Variants in IFT74 observed in about 807,000 individuals in gnomAD.
IFT74 encodes intraflagellar transport 74, also known as intraflagellar transport protein 74 homolog.
In IFT74, 92 loss-of-function variants were observed where a neutral mutation model predicts 96.7. The observed-to-expected ratio is 0.95, with a 90% CI of 0.80 to 1.13. The LOEUF is 1.13. Ranked by LOEUF, IFT74 falls within the 50% of genes most tolerant of loss-of-function variation. IFT74 has a pLI of 0.00. For missense variants in IFT74, 811 were observed against 698.2 expected, an observed-to-expected ratio of 1.16 and a Z score of -1.82; for synonymous variants, 223 against 213.2, an observed-to-expected ratio of 1.05 and a Z score of -0.40.
At chr9:26,991,080 A>G (rs375678137) in intron 8 of IFT74, among the ~76,000 whole-genome samples, 4 of 152,220 alleles carry the variant, frequency 2.6e-5, no homozygotes, top group African/African-American at 4.8e-5. Flanking sequence ...ACCATATTCA[A>G]TTACCAAAAT....
chr9:26,961,422 G>C (rs2131478031), intron 1 of IFT74, among the ~76,000 whole-genome samples: 1 of 152,124 alleles, frequency 6.6e-6, no homozygotes, highest in South Asian at 2.1e-4. Context: ...GTGGAAGAAT[G>C]TTTTGAAAGT....
At chr9:27,006,897 C>T (rs1358011901) in intron 8 of IFT74, among the ~76,000 whole-genome samples, 8 of 128,518 alleles carry the variant, frequency 6.2e-5, no homozygotes, top group Non-Finnish European at 1.2e-4. Flanking sequence ...AGTGTAGTGG[C>T]GCAGTCTCGG....
At chr9:27,035,940 T>A (rs1346389740) in intron 13 of IFT74, among the ~76,000 whole-genome samples, 1 of 152,328 alleles carries the variant, frequency 6.6e-6, no homozygotes, top group East Asian at 1.9e-4. Context: ...AAAATCCATG[T>A]ATAACTTTTG....
At chr9:26,950,783 G>T (rs1825909340) in intron 1 of IFT74, among the ~76,000 whole-genome samples, 1 of 152,184 alleles carries the variant, frequency 6.6e-6, no homozygotes, top group Non-Finnish European at 1.5e-5. Flanking sequence ...TCTTTTAACA[G>T]CTTGATAGGA....
chr9:26,974,008 C>G (rs908083299), intron 2 of IFT74, among the ~76,000 whole-genome samples: 1 of 152,164 alleles, frequency 6.6e-6, no homozygotes, highest in Non-Finnish European at 1.5e-5. Context: ...TAACATTTAT[C>G]TTGTCCTTCC....
chr9:27,053,363 T>A (rs1820018773), intron 16 of IFT74, among the ~76,000 whole-genome samples: 1 of 152,012 alleles, frequency 6.6e-6, no homozygotes, highest in Admixed American at 6.6e-5. Flanking sequence ...ATCAATAATG[T>A]AAGAAAAAGG....
intron 19 of IFT74, among the ~76,000 whole-genome samples, chr9:27,061,571 G>A (rs1440037952): frequency 1.3e-5 from 2 of 151,340 alleles, no homozygotes; most frequent in Non-Finnish European, 2.9e-5. Flanking sequence ...CACTGCTCTC[G>A]GCCCCAGAAT....
At chr9:26,996,506 A>T (rs1828166480) in intron 8 of IFT74, 3 of 1,417,644 alleles carry the variant, frequency 2.1e-6, no homozygotes, top group Non-Finnish European at 2.8e-6. Context: ...TTTTCTAGTA[A>T]ATCAGAAAGA....
At chr9:26,963,144 T>C (rs1340960679) in intron 2 of IFT74, among the ~76,000 whole-genome samples, 1 of 151,884 alleles carries the variant, frequency 6.6e-6, no homozygotes, top group African/African-American at 2.4e-5. Flanking sequence ...GAGTGTGATA[T>C]TCCCCTTCCT....
At position 26,978,148 on chromosome 9, in the gene IFT74, A is replaced by T. The variant is rs1224898982; in HGVS notation, c.141A>T (p.Arg47Ser). ...TTTAGATGCCACCTGGGACAGCAAG[A>T]CCAGGTTCTCGTGGTTGTCCCATAG... ...VATAMPPGTA[R>S]PGSRGCPIGT... Residue 47 changes from arginine to serine, a missense_variant, in exon 3 of 20, where the codon AGA becomes AGT. Physicochemically the swap from Arg to Ser is moderately radical, Grantham distance 110. Transcript: ENST00000380062. 1.9e-6 allele frequency: 3 copies of T among 1,605,180 alleles called. No individual in the cohort carries two copies. The highest frequency in any genetic ancestry group is 2.5e-6 in the Non-Finnish European group (3 of 1,178,406).
rs529871147 is a variant in IFT74 at position 27,048,101 on chromosome 9, A to T, written c.1207-47A>T. ...TTTCCAAGAGTTTTATTGAGAACTA[A>T]CTAAATCAGTGGATTTTTTTCTATT... On this transcript the variant is annotated intron_variant, in intron 15 of 19. Transcript: ENST00000380062. 2.1e-6 allele frequency: 3 copies of T among 1,408,060 alleles called. No individual in the cohort carries two copies. The African/African-American group carries it at 4.3e-5, about 20-fold the overall frequency. The allele number at this position is 1,408,060 out of a possible 1,614,324, so 87.2% of individuals were successfully genotyped here. A position where few individuals can be genotyped will look rare whatever the true frequency, so the allele number is the denominator to read the frequency against.
rs56756518 is a variant in IFT74 at position 26,982,451 on chromosome 9, ATTTTTTT to A, written c.306-1790_306-1784del. On this transcript the variant is annotated intron_variant, in intron 4 of 19. Coordinates refer to ENST00000380062, the MANE Select transcript of IFT74 (RefSeq NM_025103.4). ...GCCACCACACTTGGCTAATTTTTGT[ATTTTTTT>A]TTTTTTTTTTTTTTTGAGACAGAGT... 57 of 215,662 alleles carry A rather than the reference ATTTTTTT, an allele frequency of 2.6e-4. No homozygotes were observed. The East Asian group carries it at 5.7e-3, about 22-fold the overall frequency. The allele number at this position is 215,662 out of a possible 1,614,324, so 13.4% of individuals were successfully genotyped here.
intron 13 of IFT74, chr9:27,036,390 T>A: frequency 1.3e-6 from 2 of 1,589,226 alleles, no homozygotes; most frequent in Non-Finnish European, 1.7e-6. Context: ...TGTACTCTTT[T>A]TACCACAGCA....
intron 2 of IFT74, among the ~76,000 whole-genome samples, chr9:26,964,090 GT>G (rs1826495140): frequency 7.0e-6 from 1 of 142,246 alleles, no homozygotes; most frequent in African/African-American, 2.6e-5. Context: ...GGTTTTTATG[GT>G]TTTAGGTCTA....
intron 6 of IFT74, among the ~76,000 whole-genome samples, chr9:26,987,486 C>G (rs1051468585): frequency 6.6e-6 from 1 of 152,036 alleles, no homozygotes; most frequent in African/African-American, 2.4e-5. Context: ...AAAATACTAC[C>G]ATATAAAATA....
At chr9:27,006,316 G>A (rs1402430557) in intron 8 of IFT74, among the ~76,000 whole-genome samples, 1 of 152,120 alleles carries the variant, frequency 6.6e-6, no homozygotes, top group South Asian at 2.1e-4. Flanking sequence ...TTCAAACTGA[G>A]GTCAGGTGCA....
intron 2 of IFT74, 36 bp downstream of exon 2, chr9:26,962,123 C>G (rs1826393501): frequency 6.2e-7 from 1 of 1,610,196 alleles, no homozygotes; most frequent in African/African-American, 1.3e-5. Flanking sequence ...TTTGGGAGGC[C>G]AAGGTGGGAG....
At chr9:26,995,560 G>T (rs201188831) in intron 8 of IFT74, 2 of 1,596,546 alleles carry the variant, frequency 1.3e-6, no homozygotes, top group East Asian at 4.5e-5. Context: ...CTATATATTT[G>T]TCTTCAATAA....
upstream of IFT74, among the ~76,000 whole-genome samples, chr9:26,951,420 C>T (rs1825926303): frequency 6.6e-6 from 1 of 151,894 alleles, no homozygotes. Flanking sequence ...GCCACATAGA[C>T]TCTGGTGCCA....
Sources: gnomAD v4.1 joint callset for allele counts (sites outside exome capture counted in the v4.1 genomes callset) on GRCh38, gnomAD v4.1.1 for gene constraint, MANE v1.5 for transcripts, NCBI Gene and HGNC (gene_info 2026-07-23, HGNC 2026-07-21) for gene names.